SPRYD3: variants seen among roughly 807,000 people sequenced by gnomAD.
SPRYD3 encodes SPRY domain-containing protein 3.
Under a neutral mutation model 50.1 loss-of-function variants are expected in SPRYD3, and 17 were observed. The ratio of observed to expected loss-of-function variants is 0.34; its 90% CI spans 0.23 to 0.51. The LOEUF (loss-of-function observed/expected upper bound fraction) is 0.51, where lower values mean the gene tolerates loss of function less well. SPRYD3 is among the 20% of genes least tolerant of loss of function. SPRYD3 has a pLI of 0.97. For missense variants in SPRYD3, 401 were observed against 591.2 expected, an observed-to-expected ratio of 0.68 and a Z score of 3.34; for synonymous variants, 198 against 215.5, an observed-to-expected ratio of 0.92 and a Z score of 0.71.
rs1944574357 is a variant in SPRYD3 at position 53,074,562 on chromosome 12, C to A, written c.507+87G>T. On this transcript the variant is annotated intron_variant, in intron 5 of 10. Coordinates refer to ENST00000301463, the MANE Select transcript of SPRYD3 (RefSeq NM_032840.3). The surrounding 1 kb of genome is among the most constrained non-coding windows in gnomAD (Gnocchi z 4.6). Reference sequence around the variant, plus strand: ...TCAGTGCAAGGGTCCCTGGGCAAGCCCCAGCCAGCAGACTCTTCCTAATCA... The same window carrying A: ...TCAGTGCAAGGGTCCCTGGGCAAGCACCAGCCAGCAGACTCTTCCTAATCA... 1.3e-6 allele frequency: 2 copies of A among 1,557,986 alleles called. No individual in the cohort carries two copies. The highest frequency in any genetic ancestry group is 1.8e-6 in the Non-Finnish European group (2 of 1,137,468).
rs1414333550 is a variant in SPRYD3 at position 53,074,849 on chromosome 12, C to G, written c.372-65G>C. The G allele has an allele frequency of 2.3e-5, 36 of 1,580,356 alleles. No individual in the cohort carries two copies. Among genetic ancestry groups the G allele is most frequent in the Non-Finnish European group, 3.1e-5 (36 of 1,153,188 alleles). On this transcript the variant is annotated intron_variant, in intron 4 of 10. Transcript: ENST00000301463. This position sits in a 1 kb window ranked among gnomAD's most constrained non-coding sequence, Gnocchi z 4.6. ...CCTCCCAACTTCTCCCCAGCACTGA[C>G]AGCAGAGGCCTCATCCTCATCTTGC...
intron 8 of SPRYD3, among the ~76,000 whole-genome samples, 172 bp downstream of exon 8, chr12:53,067,476 G>A (rs961266985): frequency 1.3e-5 from 2 of 152,004 alleles, no homozygotes; most frequent in African/African-American, 4.8e-5. Context: ...TTCCAGAGCT[G>A]GGAGGAAAAC....
intron 1 of SPRYD3, among the ~76,000 whole-genome samples, chr12:53,078,599 T>C (rs1296257332): frequency 6.6e-6 from 1 of 152,044 alleles, no homozygotes; most frequent in Non-Finnish European, 1.5e-5. Flanking sequence ...AATTCAGACG[T>C]TGTTGCAGCA....
intron 6 of SPRYD3, among the ~76,000 whole-genome samples, chr12:53,068,610 C>T (rs1185409945): frequency 6.6e-6 from 1 of 152,158 alleles, no homozygotes; most frequent in Non-Finnish European, 1.5e-5. Flanking sequence ...GCTCTAGATG[C>T]ATCCTCGCCC....
chr12:53,066,407 G>A lies in SPRYD3; in HGVS notation c.1101C>T (p.Tyr367=). ...RAVRNVRNVM[Y]LHQEGEEEEE... The stretch of plus-strand genomic sequence containing the variant: ...CTTCCTCTTCCCCTTCCTGGTGCAG[G>A]TACATGACATTCCGCACGTTCCGGA... The change falls in exon 10 of 11, where the codon TAC becomes TAT. Residue 367 remains tyrosine (Y), a synonymous_variant. Transcript: ENST00000301463. 7 of 1,614,000 alleles carry A rather than the reference G, an allele frequency of 4.3e-6. No individual in the cohort carries two copies. The highest frequency in any genetic ancestry group is 5.9e-6 in the Non-Finnish European group (7 of 1,179,998).
At chr12:53,078,758 ACTCTT>A (rs1389218871) in intron 1 of SPRYD3, among the ~76,000 whole-genome samples, 1 of 151,898 alleles carries the variant, frequency 6.6e-6, no homozygotes, top group Non-Finnish European at 1.5e-5. Flanking sequence ...GAGGTGAAGT[ACTCTT>A]CTCTTCCCAT....
chr12:53,065,533 A>C lies in SPRYD3; in HGVS notation c.*299T>G. The C allele has an allele frequency of 2.8e-6, 1 of 353,438 alleles. No individual in the cohort carries two copies. The highest frequency in any genetic ancestry group is 5.2e-6 in the Non-Finnish European group (1 of 191,066). 21.9% of individuals were successfully genotyped at this position (353,438 alleles called of 1,614,324 possible). ...TCCACCCACACAGGGCCGGTGAGGG[A>C]AAGGGGGACCCAGAAGCCCACTGAC... is the stretch of plus-strand genomic sequence containing the variant. On this transcript the variant is annotated 3_prime_UTR_variant, in exon 11 of 11. Coordinates refer to ENST00000301463, the MANE Select transcript of SPRYD3 (RefSeq NM_032840.3).
rs1203467629 is a variant in SPRYD3 at position 53,066,472 on chromosome 12, T to C, written c.1036A>G (p.Ser346Gly). 6.2e-7 allele frequency: 1 copy of C among 1,613,978 alleles called. No homozygotes were observed. The highest frequency in any genetic ancestry group is 8.5e-7 in the Non-Finnish European group (1 of 1,180,032). The change falls in exon 10 of 11, where the codon AGT becomes GGT. Residue 346 changes from serine (S) to glycine (G), a missense_variant. Transcript: ENST00000301463. ...ILDSEGDSDD[S>G]CDTVILSPTA... is the part of the protein sequence containing the mutation. ...GGAGACAGGATCACTGTGTCACAACTGTCATCACTGTCCCCTAGGAGACCA... is the reference window on the plus strand; with the variant it reads ...GGAGACAGGATCACTGTGTCACAACCGTCATCACTGTCCCCTAGGAGACCA...
intron 1 of SPRYD3, among the ~76,000 whole-genome samples, chr12:53,078,484 CAA>C (rs79320546): frequency 2.0e-4 from 14 of 68,726 alleles, no homozygotes; most frequent in Non-Finnish European, 9.3e-5. Flanking sequence ...AACTCCATCT[CAA>C]AAAAAAAAAA....
Position 53,077,162 on chromosome 12 carries a change from T to C in SPRYD3, c.123A>G (p.Arg41=). 1.9e-6 allele frequency: 3 copies of C among 1,614,176 alleles called. No homozygotes were observed. The highest frequency in any genetic ancestry group is 2.5e-6 in the Non-Finnish European group (3 of 1,180,028). Residue 41 remains arginine, a synonymous_variant, in exon 2 of 11, where the codon CGA becomes CGG. Coordinates refer to ENST00000301463, the MANE Select transcript of SPRYD3 (RefSeq NM_032840.3). ...GGATATGTTTGAACCTCTCCTGATA[T>C]CGGAAAGCTCGGACCTCTCGAATCT... ...IREIREVRAF[R]YQERFKHILV... is the part of the protein sequence containing the mutation.
At chr12:53,075,326 G>GAAAAAGGACATGGGAATCAGGA in intron 3 of SPRYD3, 107 bp from the exon 4 acceptor site, 4 of 1,196,760 alleles carry the variant, frequency 3.3e-6, no homozygotes, top group Non-Finnish European at 4.7e-6. Context: ...GGCTCAAAAA[G>GAAAAAGGACATGGGAATCAGGA]AAAAAGGACA....
intron 1 of SPRYD3, chr12:53,078,105 G>A: frequency 2.2e-6 from 1 of 454,866 alleles, no homozygotes; most frequent in South Asian, 1.6e-5. Context: ...CTTGAGTCTG[G>A]CAGGTCAAGG....
chr12:53,073,088 A>G (rs1944560717), intron 6 of SPRYD3, 198 bp downstream of exon 6: 1 of 479,346 alleles, frequency 2.1e-6, no homozygotes, highest in Non-Finnish European at 3.7e-6. Context: ...GGAAGTGAAG[A>G]AAAGAGAACA....
At chr12:53,073,259 C>CCGGGGGGGGGGGGGGGGGGGGGGG in intron 6 of SPRYD3, 27 bp downstream of exon 6, 7 of 400,926 alleles carry the variant, frequency 1.7e-5, no homozygotes, top group East Asian at 3.8e-5. Flanking sequence ...CGACCCAGCC[C>CCGGGGGGGGGGGGGGGGGGGGGGG]CTCCCACCCT....
intron 6 of SPRYD3, among the ~76,000 whole-genome samples, chr12:53,068,991 G>GGCTTA (rs1283209592): frequency 4.6e-5 from 7 of 152,132 alleles, no homozygotes; most frequent in Non-Finnish European, 8.8e-5. Flanking sequence ...GACAGAGGCA[G>GGCTTA]GCTTAGCTGT....
intron 6 of SPRYD3, among the ~76,000 whole-genome samples, chr12:53,071,385 TCCA>T (rs1246230158): frequency 6.6e-6 from 1 of 152,108 alleles, no homozygotes; most frequent in East Asian, 1.9e-4. Context: ...CCAGCTCCCC[TCCA>T]CCACATTACC....
intron 6 of SPRYD3, 26 bp downstream of exon 6, chr12:53,073,260 C>CGGGGGGGGGGGGGGGGGGGGGG: frequency 7.2e-6 from 3 of 416,306 alleles, no homozygotes; most frequent in Admixed American, 4.4e-5. Context: ...GACCCAGCCC[C>CGGGGGGGGGGGGGGGGGGGGGG]TCCCACCCTC....
chr12:53,075,584 A>G (rs1944582248), intron 3 of SPRYD3, 152 bp downstream of exon 3: 1 of 657,854 alleles, frequency 1.5e-6, no homozygotes, highest in East Asian at 2.7e-5. Flanking sequence ...ATGAGGGGCC[A>G]TGCTATCCTG....
chr12:53,069,421 C>T (rs1325095061), intron 6 of SPRYD3, among the ~76,000 whole-genome samples: 1 of 152,218 alleles, frequency 6.6e-6, no homozygotes, highest in Non-Finnish European at 1.5e-5. Context: ...CCTGCACCAG[C>T]ACAGAAGCCT....
Sources: allele counts gnomAD v4.1 joint callset (sites outside exome capture counted in the v4.1 genomes callset), GRCh38; gene constraint gnomAD v4.1.1; non-coding constraint Gnocchi (gnomAD v3.1); transcripts MANE v1.5; gene names NCBI Gene and HGNC (gene_info 2026-07-23, HGNC 2026-07-21).